Variants in HDAC8 observed in about 807,000 individuals in gnomAD.
HDAC8 encodes histone deacetylase-like 1.
HDAC8 carries 1 observed loss-of-function variant against 32.2 expected under a neutral mutation model. The observed-to-expected ratio is 0.03, with a 90% CI of 0.01 to 0.15. The LOEUF is 0.15. HDAC8 is among the 10% of genes least tolerant of loss of function. The probability of loss-of-function intolerance (pLI) is 1.00; values close to 1 mark genes in which losing one functional copy is unlikely to be tolerated. For missense variants in HDAC8, 117 were observed against 300.0 expected (o/e 0.39, Z 4.51); for synonymous variants, 108 against 113.9 (o/e 0.95, Z 0.33).
chrX:72,453,460 AAAATAAAGAAAG>A (rs1290953894), intron 9 of HDAC8, among the ~76,000 whole-genome samples: 1 of 43,500 alleles, frequency 2.3e-5, no homozygotes, highest in Non-Finnish European at 4.2e-5. Flanking sequence ...CTGTCTCTTA[AAAATAAAGAAAG>A]AAAGAAAGAA....
intron 6 of HDAC8, 40 bp downstream of exon 6, chrX:72,490,889 T>C: frequency 1.0e-6 from 1 of 954,123 alleles, no homozygotes. Context: ...AATTTCAGTA[T>C]TTAGTCATCA....
intron 4 of HDAC8, among the ~76,000 whole-genome samples, chrX:72,549,700 T>C (rs2050999865): frequency 8.9e-6 from 1 of 111,920 alleles, no homozygotes; most frequent in Non-Finnish European, 1.9e-5. Flanking sequence ...AATGGCAACA[T>C]AATTTAATCA....
Position 72,489,451 on chromosome X carries a change from G to A in HDAC8, c.629-410C>T, listed in dbSNP as rs1556007871. 2.7e-5 allele frequency among the ~76,000 whole-genome samples: 3 copies of A among 111,297 alleles called. No individual in the cohort carries two copies. In the East Asian group the frequency reaches 8.5e-4, roughly 31 times the overall value. ...ATTCTTCTTGTTATTGTCACCTGAGGTGACCTGTGTTAAAATTTTGCACAG... is the reference window on the plus strand; with the variant it reads ...ATTCTTCTTGTTATTGTCACCTGAGATGACCTGTGTTAAAATTTTGCACAG... On this transcript the variant is annotated intron_variant, in intron 6 of 10. Transcript: ENST00000373573.
At chrX:72,429,394 C>T (rs2046747136) in intron 9 of HDAC8, among the ~76,000 whole-genome samples, 1 of 111,831 alleles carries the variant, frequency 8.9e-6, no homozygotes, top group Non-Finnish European at 1.9e-5. Flanking sequence ...TTAATTAATT[C>T]CTCTGATTTT....
intron 9 of HDAC8, among the ~76,000 whole-genome samples, chrX:72,397,672 T>C (rs1555965982): frequency 4.5e-5 from 5 of 111,866 alleles, no homozygotes; most frequent in Non-Finnish European, 9.4e-5. Context: ...ATTTCTTTAG[T>C]CTTCCCACAT....
At chrX:72,395,825 C>T (rs147987283) in intron 9 of HDAC8, among the ~76,000 whole-genome samples, 59 of 111,919 alleles carry the variant, frequency 5.3e-4, no homozygotes, top group South Asian at 7.5e-4. Context: ...TGTAGATGCA[C>T]GTGGGTTTGT....
At chrX:72,355,589 T>C (rs1458432825) in intron 9 of HDAC8, among the ~76,000 whole-genome samples, 1 of 111,622 alleles carries the variant, frequency 9.0e-6, no homozygotes, top group Non-Finnish European at 1.9e-5. Flanking sequence ...TTCTCAACCC[T>C]AGAGTCAATG....
rs1401418881 is a variant in HDAC8, at chrX:72,562,378, T to C, written c.437+5511A>G. ...AAAAGGAATGAGATAATGGCATTCATAGCAACATGGATGGAATTGGAGACT... is the reference window on the plus strand; with the variant it reads ...AAAAGGAATGAGATAATGGCATTCACAGCAACATGGATGGAATTGGAGACT... On this transcript the variant is annotated intron_variant, in intron 4 of 10. Coordinates refer to ENST00000373573, the MANE Select transcript of HDAC8 (RefSeq NM_018486.3). Among the ~76,000 whole-genome samples, 6 of 112,282 alleles carry C rather than the reference T, an allele frequency of 5.3e-5. No homozygotes were observed. The East Asian group carries it at 1.7e-3, about 31-fold the overall frequency.
At chrX:72,543,840 A>C (rs2050781579) in intron 4 of HDAC8, among the ~76,000 whole-genome samples, 1 of 112,753 alleles carries the variant, frequency 8.9e-6, no homozygotes, top group African/African-American at 3.2e-5. Flanking sequence ...GATTACAAGC[A>C]TATTTGAATA....
intron 4 of HDAC8, among the ~76,000 whole-genome samples, chrX:72,562,503 C>T (rs2051604514): frequency 9.0e-6 from 1 of 110,899 alleles, no homozygotes; most frequent in African/African-American, 3.3e-5. Flanking sequence ...ATAAGAACAA[C>T]ACATTAGACT....
At chrX:72,421,176 T>G (rs2046478094) in intron 9 of HDAC8, among the ~76,000 whole-genome samples, 1 of 111,676 alleles carries the variant, frequency 9.0e-6, no homozygotes, top group South Asian at 3.7e-4. Context: ...CTAAGCTTAT[T>G]ACAATCTAGT....
At chrX:72,413,033 A>T (rs782398531) in intron 9 of HDAC8, among the ~76,000 whole-genome samples, 1 of 111,554 alleles carries the variant, frequency 9.0e-6, no homozygotes, top group East Asian at 2.8e-4. Flanking sequence ...TTTGATTTTT[A>T]AAAAAATCTC....
chrX:72,494,164 T>C (rs1603080156), intron 5 of HDAC8, among the ~76,000 whole-genome samples: 1 of 111,371 alleles, frequency 9.0e-6, no homozygotes, highest in African/African-American at 3.3e-5. Flanking sequence ...AAGTAGTATA[T>C]TGGTGGTTTT....
At chrX:72,473,574 C>CA (rs1555998843) in intron 7 of HDAC8, 4 of 422,209 alleles carry the variant, frequency 9.5e-6, no homozygotes. Flanking sequence ...GAAATCTGTA[C>CA]AAAATCACAC....
At chrX:72,547,851 C>T (rs141501447) in intron 4 of HDAC8, among the ~76,000 whole-genome samples, 16 of 111,958 alleles carry the variant, frequency 1.4e-4, no homozygotes, top group African/African-American at 4.9e-4. Context: ...ATTGTTATTC[C>T]CATTTTGCTT....
chrX:72,432,968 A>G (rs2046858931), intron 9 of HDAC8, among the ~76,000 whole-genome samples: 1 of 112,052 alleles, frequency 8.9e-6, no homozygotes. Context: ...ACAACAATTT[A>G]CATATTCAGC....
Position 72,567,994 on chromosome X carries a change from T to G in HDAC8, c.332A>C (p.Tyr111Ser), listed in dbSNP as rs2051865672. The change falls in exon 4 of 11, where the codon TAT becomes TCT. Residue 111 changes from tyrosine (Y) to serine (S), a missense_variant. Transcript: ENST00000373573. ...CGTAGCCCCTCCTATAGCTGCTGCA[T>G]AGTCAAATATCCCTTCAGTGGCTGG... ...DCPATEGIFD[Y>S]AAAIGGATIT... 1 of 1,211,539 alleles carries G rather than the reference T, an allele frequency of 8.3e-7. No individual in the cohort carries two copies. Among genetic ancestry groups the G allele is most frequent in the South Asian group, 1.8e-5 (1 of 56,967 alleles).
intron 10 of HDAC8, among the ~76,000 whole-genome samples, chrX:72,345,663 C>T (rs543797004): frequency 2.7e-5 from 3 of 111,209 alleles, no homozygotes; most frequent in African/African-American, 9.8e-5. Context: ...GAGCAGTCTC[C>T]ATTTTTATTT....
At chrX:72,484,354 C>G (rs1342323178) in intron 7 of HDAC8, among the ~76,000 whole-genome samples, 1 of 111,935 alleles carries the variant, frequency 8.9e-6, no homozygotes, top group Non-Finnish European at 1.9e-5. Flanking sequence ...AACACTGCTA[C>G]TGAATGAGAA....
Sources: gnomAD v4.1 joint callset for allele counts (sites outside exome capture counted in the v4.1 genomes callset) on GRCh38, gnomAD v4.1.1 for gene constraint, MANE v1.5 for transcripts, NCBI Gene and HGNC (gene_info 2026-07-23, HGNC 2026-07-21) for gene names.